SLC8B1: variants seen among roughly 807,000 people sequenced by gnomAD.
SLC8B1 encodes the protein solute carrier family 8 member B1.
A neutral mutation model predicts 63.4 loss-of-function variants in SLC8B1; 52 were observed. That is an observed-to-expected ratio of 0.82 (90% confidence interval 0.66 to 1.03). The LOEUF (loss-of-function observed/expected upper bound fraction) is 1.03, where lower values mean the gene tolerates loss of function less well. Ranked by LOEUF, SLC8B1 falls within the 50% of genes least tolerant of loss-of-function variation. SLC8B1 has a pLI of 0.00. For missense variants in SLC8B1, 657 were observed against 741.7 expected, an observed-to-expected ratio of 0.89 and a Z score of 1.33; for synonymous variants, 336 against 323.9, an observed-to-expected ratio of 1.04 and a Z score of -0.40.
At position 113,305,117 on chromosome 12, in the gene SLC8B1, G is replaced by A. The variant is rs1169297989; in HGVS notation, c.1493-732C>T. The stretch of plus-strand genomic sequence containing the variant: ...AGGTGGGGAAACCGAGGCCAGGAGA[G>A]ATGAAGGGACTGCCCCCAGTCCCTA... On this transcript the variant is annotated intron_variant, in intron 14 of 15. Coordinates refer to ENST00000680972, the MANE Select transcript of SLC8B1 (RefSeq NM_001358345.2). The surrounding 1 kb of genome is among the most constrained non-coding windows in gnomAD (Gnocchi z 4.3). Among the ~76,000 whole-genome samples, 1 of 152,224 alleles carries A rather than the reference G, an allele frequency of 6.6e-6. No homozygotes were observed. The highest frequency in any genetic ancestry group is 1.5e-5 in the Non-Finnish European group (1 of 68,042).
chr12:113,331,373 T>C (rs1421070179), intron 2 of SLC8B1, among the ~76,000 whole-genome samples: 1 of 127,428 alleles, frequency 7.8e-6, no homozygotes, highest in African/African-American at 3.1e-5. Flanking sequence ...GGGTATAGAG[T>C]GAGACTGTTC....
At chr12:113,304,106 C>T (rs1032825618) in intron 15 of SLC8B1, among the ~76,000 whole-genome samples, 1 of 152,080 alleles carries the variant, frequency 6.6e-6, no homozygotes, top group African/African-American at 2.4e-5. Flanking sequence ...GTCTCGAACT[C>T]CTGACCTCAA....
chr12:113,314,390 G>A (rs547787102), intron 11 of SLC8B1, among the ~76,000 whole-genome samples: 4 of 152,342 alleles, frequency 2.6e-5, no homozygotes, highest in South Asian at 2.1e-4. Flanking sequence ...ACCTCCAGGC[G>A]AAGCCCCTGG....
In SLC8B1 at chr12:113,332,808, ACT is replaced by A. The variant is rs1169177737; in HGVS notation, c.69_70del (p.Ser25TrpfsTer3). 1 of 1,614,202 alleles carries A rather than the reference ACT, an allele frequency of 6.2e-7. No individual in the cohort carries two copies. The highest frequency in any genetic ancestry group is 1.7e-5 in the Admixed American group (1 of 60,026). ...TGTAGACGAGCCCCTAGTCCCAGACACTGTCTCCGCCATTAGCAGCACACAAA... is the reference window on the plus strand; with the variant it reads ...TGTAGACGAGCCCCTAGTCCCAGACAGTCTCCGCCATTAGCAGCACACAAA... On this transcript the variant is annotated frameshift_variant, in exon 2 of 16. Coordinates refer to ENST00000680972, the MANE Select transcript of SLC8B1 (RefSeq NM_001358345.2). LOFTEE classifies it high-confidence loss of function.
chr12:113,319,286 G>C, intron 7 of SLC8B1: 1 of 517,754 alleles, frequency 1.9e-6, no homozygotes, highest in Non-Finnish European at 3.5e-6. Context: ...AATCAAGGAG[G>C]TAATACCCAA....
intron 11 of SLC8B1, 46 bp from the exon 12 acceptor site, chr12:113,310,401 C>T (rs1956741803): frequency 6.3e-7 from 1 of 1,592,594 alleles, no homozygotes; most frequent in Non-Finnish European, 8.5e-7. Context: ...AGCACCTCAA[C>T]ACCCACTTAC....
rs1218961702 is a variant in SLC8B1 at position 113,315,431 on chromosome 12, G to A, written c.1039C>T (p.Pro347Ser). Residue 347 changes from proline to serine, a missense_variant, in exon 11 of 16, where the codon CCG (proline) becomes TCG (serine). Physicochemically the swap from Pro to Ser is moderately conservative, Grantham distance 74. Coordinates refer to ENST00000680972, the MANE Select transcript of SLC8B1 (RefSeq NM_001358345.2). ...LLLLTVPVVDPDKDDQNWKRP... is the reference protein window; with the variant it reads ...LLLLTVPVVDSDKDDQNWKRP... ...TTCCAGTTCTGGTCATCCTTGTCCGGGTCCACGACGGGGACTGTGAGGAGC... is the reference window on the plus strand; with the variant it reads ...TTCCAGTTCTGGTCATCCTTGTCCGAGTCCACGACGGGGACTGTGAGGAGC... 1 of 1,600,646 alleles carries A rather than the reference G, an allele frequency of 6.2e-7. No individual in the cohort carries two copies.
chr12:113,332,216 T>C (rs1348301009), intron 2 of SLC8B1, among the ~76,000 whole-genome samples: 2 of 152,206 alleles, frequency 1.3e-5, no homozygotes, highest in Admixed American at 6.5e-5. Flanking sequence ...CATACCACTT[T>C]AGCTATTGTG....
rs1956661448 is a variant in SLC8B1 at position 113,305,693 on chromosome 12, G to C, written c.1492+802C>G. Among the ~76,000 whole-genome samples, 1 of 152,230 alleles carries C rather than the reference G, an allele frequency of 6.6e-6. No individual in the cohort carries two copies. The highest frequency in any genetic ancestry group is 6.5e-5 in the Admixed American group (1 of 15,280). Reference sequence around the variant, plus strand: ...ATGGCCATTCACTTATGCACTGTCTGTGCCTGTTTCTGCACTATAGCAGCA... The same window carrying C: ...ATGGCCATTCACTTATGCACTGTCTCTGCCTGTTTCTGCACTATAGCAGCA... On this transcript the variant is annotated intron_variant, in intron 14 of 15. Transcript: ENST00000680972. The surrounding 1 kb of genome is among the most constrained non-coding windows in gnomAD (Gnocchi z 4.3).
chr12:113,332,040 G>C (rs911911263), intron 2 of SLC8B1, among the ~76,000 whole-genome samples: 1 of 152,126 alleles, frequency 6.6e-6, no homozygotes, highest in African/African-American at 2.4e-5. Context: ...TCCTGCTCCA[G>C]AATCTTTGTA....
intron 10 of SLC8B1, 102 bp from the exon 11 acceptor site, chr12:113,315,578 G>T: frequency 2.2e-6 from 3 of 1,351,914 alleles, no homozygotes; most frequent in Non-Finnish European, 2.9e-6. Context: ...GTTCATTGCT[G>T]AAGCACTGAC....
Position 113,332,788 on chromosome 12 carries a change from A to T in SLC8B1, c.91T>A (p.Ser31Thr). 1 of 1,614,156 alleles carries T rather than the reference A, an allele frequency of 6.2e-7. No individual in the cohort carries two copies. Among genetic ancestry groups the T allele is most frequent in the Non-Finnish European group, 8.5e-7 (1 of 1,180,028 alleles). The change falls in exon 2 of 16, where the codon TCT becomes ACT. Residue 31 changes from serine to threonine, a missense_variant. Coordinates refer to ENST00000680972, the MANE Select transcript of SLC8B1 (RefSeq NM_001358345.2). ...AETVSGTRGS[S>T]TGAHISPQFP... ...TGGGGGCTAATGTGAGCTCCTGTAG[A>T]CGAGCCCCTAGTCCCAGACACTGTC...
At chr12:113,306,758 C>T in intron 13 of SLC8B1, 183 bp from the exon 14 acceptor site, 1 of 585,322 alleles carries the variant, frequency 1.7e-6, no homozygotes, top group Middle Eastern at 2.9e-4. Flanking sequence ...AGACACACTT[C>T]CCTCCTTAAT....
intron 8 of SLC8B1, among the ~76,000 whole-genome samples, 162 bp downstream of exon 8, chr12:113,318,802 T>A (rs1182530009): frequency 6.6e-6 from 1 of 151,924 alleles, no homozygotes; most frequent in African/African-American, 2.4e-5. Context: ...TGGGTACCAG[T>A]GGAAGCACGG....
chr12:113,312,149 C>G (rs534161866), intron 11 of SLC8B1, among the ~76,000 whole-genome samples: 1 of 151,884 alleles, frequency 6.6e-6, no homozygotes, highest in East Asian at 1.9e-4. Flanking sequence ...TCTCAGAGGC[C>G]TTGGCTGGGT....
intron 3 of SLC8B1, 44 bp from the exon 4 acceptor site, chr12:113,321,152 G>C: frequency 1.2e-6 from 2 of 1,613,986 alleles, no homozygotes; most frequent in Non-Finnish European, 1.7e-6. Context: ...AGTCCAGCTG[G>C]AGACACCAGC....
At chr12:113,325,565 A>ATTT (rs57635916) in intron 2 of SLC8B1, among the ~76,000 whole-genome samples, 2 of 140,136 alleles carry the variant, frequency 1.4e-5, no homozygotes, top group African/African-American at 2.6e-5. Context: ...CCTGGCCTTA[A>ATTT]TTTTTTTTTT....
At chr12:113,325,920 C>A (rs1005389764) in intron 2 of SLC8B1, among the ~76,000 whole-genome samples, 8 of 152,154 alleles carry the variant, frequency 5.3e-5, no homozygotes, top group Non-Finnish European at 1.0e-4. Context: ...GTAGTAGGGG[C>A]TTAATACATT....
At position 113,307,852 on chromosome 12, in the gene SLC8B1, G is replaced by A; in HGVS notation, c.1258-8C>T. 6.2e-7 allele frequency: 1 copy of A among 1,610,734 alleles called. No homozygotes were observed. The highest frequency in any genetic ancestry group is 2.2e-5 in the East Asian group (1 of 44,880). On this transcript the variant is annotated splice_polypyrimidine_tract_variant and splice_region_variant and intron_variant, in intron 12 of 15. Coordinates refer to ENST00000680972, the MANE Select transcript of SLC8B1 (RefSeq NM_001358345.2). ...GCCCAGGAAAGCAAAGAGCTGCGGA[G>A]GGAATGGTTTGCTGTGGGACCAAGG...
Sources: gnomAD v4.1 joint callset for allele counts (sites outside exome capture counted in the v4.1 genomes callset) on GRCh38, gnomAD v4.1.1 for gene constraint, Gnocchi (gnomAD v3.1) non-coding constraint, MANE v1.5 for transcripts, NCBI Gene and HGNC (gene_info 2026-07-23, HGNC 2026-07-21) for gene names.